The following TYW2 variants were observed in gnomAD, a reference collection of about 807,000 sequenced individuals.
The protein encoded by TYW2 is tRNA wybutosine-synthesizing protein 2.
chr8:124,451,440 G>A, the TYW2 span: 1 of 1,614,208 alleles, frequency 6.2e-7, no homozygotes, highest in Non-Finnish European at 8.5e-7. Flanking sequence ...TTGGCGTCCA[G>A]CGTTTGGCAA....
At chr8:124,451,021 C>T in the TYW2 span, 2 of 1,613,958 alleles carry the variant, frequency 1.2e-6, no homozygotes, top group Admixed American at 3.3e-5. Flanking sequence ...GTTTACCCAG[C>T]GATACAGAGA....
At chr8:124,451,211 C>G in the TYW2 span, 2 of 1,614,088 alleles carry the variant, frequency 1.2e-6, no homozygotes, top group South Asian at 1.1e-5. Flanking sequence ...CCTGTTCCTT[C>G]GAAGAGGGCC....
the TYW2 span, chr8:124,451,333 C>T: frequency 1.2e-6 from 2 of 1,614,020 alleles, no homozygotes; most frequent in Non-Finnish European, 1.7e-6. Flanking sequence ...ATCATGGCAA[C>T]GGCATGGTAA....
the TYW2 span, chr8:124,451,192 C>T: frequency 6.2e-7 from 1 of 1,614,154 alleles, no homozygotes; most frequent in Non-Finnish European, 8.5e-7. Flanking sequence ...GCTCACGCAG[C>T]TCCCGGATCC....
At chr8:124,452,011 T>G in the TYW2 span, 1 of 1,614,212 alleles carries the variant, frequency 6.2e-7, no homozygotes, top group Middle Eastern at 1.6e-4. Context: ...GCATTGGCTG[T>G]ATCCTCAGCA....
the TYW2 span, chr8:124,450,979 G>A: frequency 3.0e-4 from 485 of 1,614,188 alleles, 2 homozygotes; most frequent in African/African-American, 5.0e-3. Context: ...TGGGAAGCCC[G>A]TGGCTGTTGT....
At chr8:124,452,606 T>A in the TYW2 span, 6 of 294,136 alleles carry the variant, frequency 2.0e-5, no homozygotes. Context: ...AGAGTTTCTT[T>A]GAACTGTCTC....
At chr8:124,451,074 G>C in the TYW2 span, 1 of 1,614,214 alleles carries the variant, frequency 6.2e-7, no homozygotes, top group Non-Finnish European at 8.5e-7. Context: ...AGCACCGTGT[G>C]GAAAAGATGC....
At chr8:124,451,550 ATAAGTT>A in the TYW2 span, 1 of 1,614,198 alleles carries the variant, frequency 6.2e-7, no homozygotes, top group Non-Finnish European at 8.5e-7. Flanking sequence ...GGTATCCGTT[ATAAGTT>A]TGACGTGACC....
At chr8:124,452,739 CAGAG>C in the TYW2 span, 135 of 171,886 alleles carry the variant, frequency 7.9e-4, no homozygotes, top group Non-Finnish European at 2.7e-4. Flanking sequence ...AAGATGGAAA[CAGAG>C]AGACCAGTGA....
At chr8:124,452,363 CT>C in the TYW2 span, 3 of 1,360,326 alleles carry the variant, frequency 2.2e-6, no homozygotes, top group Non-Finnish European at 3.0e-6. Flanking sequence ...CTTTTGTCCC[CT>C]GGTGATCAGT....
At chr8:124,450,848 C>G in the TYW2 span, 3 of 1,505,462 alleles carry the variant, frequency 2.0e-6, no homozygotes, top group East Asian at 2.3e-5. Flanking sequence ...GCCGGGTGAG[C>G]TGCAGGCTAC....
the TYW2 span, chr8:124,451,332 A>G: frequency 1.9e-6 from 3 of 1,614,062 alleles, no homozygotes; most frequent in African/African-American, 2.7e-5. Flanking sequence ...GATCATGGCA[A>G]CGGCATGGTA....
At chr8:124,450,894 G>GCCGACTC in the TYW2 span, 1 of 1,579,130 alleles carries the variant, frequency 6.3e-7, no homozygotes, top group Non-Finnish European at 8.6e-7. Context: ...AGCCTGGTGA[G>GCCGACTC]CCGACTCTGA....
the TYW2 span, chr8:124,452,535 C>T: frequency 2.2e-6 from 1 of 444,710 alleles, no homozygotes; most frequent in Non-Finnish European, 4.1e-6. Flanking sequence ...AAATTCTGAC[C>T]TCAGTTCTGG....
At chr8:124,452,426 T>C in the TYW2 span, 2 of 719,284 alleles carry the variant, frequency 2.8e-6, no homozygotes, top group Non-Finnish European at 4.5e-6. Context: ...ATTCAAATTA[T>C]TTCATTTGTC....
At chr8:124,452,537 C>T in the TYW2 span, 1 of 440,424 alleles carries the variant, frequency 2.3e-6, no homozygotes, top group East Asian at 3.9e-5. Context: ...ATTCTGACCT[C>T]AGTTCTGGAA....
chr8:124,451,868 C>G, the TYW2 span: 2 of 1,614,174 alleles, frequency 1.2e-6, no homozygotes, highest in Non-Finnish European at 1.7e-6. Flanking sequence ...ATTCCCAGCT[C>G]TGAAGAAGGC....
At chr8:124,451,980 A>T in the TYW2 span, 1 of 1,614,194 alleles carries the variant, frequency 6.2e-7, no homozygotes, top group Non-Finnish European at 8.5e-7. Context: ...AGGCTCTTGG[A>T]GTCAGCAAAG....
Sources: allele counts gnomAD v4.1 joint callset, GRCh38; gene constraint gnomAD v4.1.1; transcripts MANE v1.5; gene names NCBI Gene and HGNC (gene_info 2026-07-23, HGNC 2026-07-21).